CORO2B: variants seen among roughly 807,000 people sequenced by gnomAD.
CORO2B encodes the protein coronin 2B.
CORO2B carries 26 observed loss-of-function variants against 58.8 expected under a neutral mutation model. The ratio of observed to expected loss-of-function variants is 0.44; its 90% CI spans 0.32 to 0.61. CORO2B has a LOEUF of 0.61. CORO2B is among the 20% of genes least tolerant of loss of function. The pLI is 0.04. For missense variants in CORO2B, 460 were observed against 645.1 expected (o/e 0.71, Z 3.11); for synonymous variants, 242 against 253.8 (o/e 0.95, Z 0.44).
chr15:68,628,460 A>G (rs189284012), intron 1 of CORO2B, among the ~76,000 whole-genome samples: 5 of 152,236 alleles, frequency 3.3e-5, no homozygotes, highest in Admixed American at 3.3e-4. Context: ...ATAGTACCTG[A>G]CACGTAGCAA....
rs577001745 is a variant in CORO2B at position 68,627,033 on chromosome 15, G to T, written c.16-18127G>T. Among the ~76,000 whole-genome samples, 3 of 152,298 alleles carry T rather than the reference G, an allele frequency of 2.0e-5. No individual in the cohort carries two copies. In the East Asian group the frequency reaches 5.8e-4, roughly 29 times the overall value. On this transcript the variant is annotated intron_variant, in intron 1 of 11. Transcript: ENST00000261861. ...CCCAGTCCCACCACTGCCAAGTGGGGATCCTTAGCAAGGTACTTACCTTTT... is the reference window on the plus strand; with the variant it reads ...CCCAGTCCCACCACTGCCAAGTGGGTATCCTTAGCAAGGTACTTACCTTTT...
At chr15:68,626,281 C>G (rs1258242038) in intron 1 of CORO2B, among the ~76,000 whole-genome samples, 1 of 152,144 alleles carries the variant, frequency 6.6e-6, no homozygotes, top group Non-Finnish European at 1.5e-5. Context: ...GAAGGGGCTA[C>G]AGTGGGAATG....
chr15:68,625,779 ATTT>A (rs1426130274), intron 1 of CORO2B, among the ~76,000 whole-genome samples: 1 of 151,790 alleles, frequency 6.6e-6, no homozygotes, highest in Non-Finnish European at 1.5e-5. Flanking sequence ...TAACTTTTGT[ATTT>A]TTTGTAGAGA....
At position 68,604,538 on chromosome 15, in the gene CORO2B, G is replaced by A. The variant is rs200485637; in HGVS notation, c.15+25261G>A. Among the ~76,000 whole-genome samples, 8 of 151,622 alleles carry A rather than the reference G, an allele frequency of 5.3e-5. No homozygotes were observed. The East Asian group carries it at 1.6e-3, about 29-fold the overall frequency. On this transcript the variant is annotated intron_variant, in intron 1 of 11. Transcript: ENST00000261861. Reference sequence around the variant, plus strand: ...TTTAAAAGGCGACTTTATCTCAGCAGCATGGCTAGAATATGTGTGTGTCCT... The same window carrying A: ...TTTAAAAGGCGACTTTATCTCAGCAACATGGCTAGAATATGTGTGTGTCCT...
intron 1 of CORO2B, among the ~76,000 whole-genome samples, chr15:68,588,818 A>C (rs887715521): frequency 6.7e-6 from 1 of 149,162 alleles, no homozygotes; most frequent in African/African-American, 2.5e-5. Flanking sequence ...AAGGGGACAA[A>C]GGGATTTAAT....
chr15:68,698,927 A>G (rs1892577070), intron 3 of CORO2B, among the ~76,000 whole-genome samples: 1 of 152,132 alleles, frequency 6.6e-6, no homozygotes, highest in South Asian at 2.1e-4. Context: ...ACCAAGGTCA[A>G]GCAAAGGGCT....
upstream of CORO2B, among the ~76,000 whole-genome samples, chr15:68,577,950 G>A (rs942053753): frequency 3.9e-5 from 6 of 152,124 alleles, no homozygotes; most frequent in Admixed American, 2.0e-4. Context: ...CAGGAAGCCA[G>A]CACTTCCGGG....
chr15:68,562,980 G>A, the CORO2B span, among the ~76,000 whole-genome samples: 183 of 135,900 alleles, frequency 1.3e-3, no homozygotes, highest in East Asian at 1.7e-3. Flanking sequence ...CCATCTCAAA[G>A]AAAAAAAAAA....
the CORO2B span, among the ~76,000 whole-genome samples, chr15:68,573,573 A>T: frequency 6.6e-6 from 1 of 152,028 alleles, no homozygotes; most frequent in Non-Finnish European, 1.5e-5. Context: ...GGAAAGGTGA[A>T]TGCAGCAGAG....
the CORO2B span, among the ~76,000 whole-genome samples, chr15:68,547,320 C>T: frequency 2.6e-5 from 4 of 152,106 alleles, no homozygotes; most frequent in Non-Finnish European, 4.4e-5. Flanking sequence ...ATTACCTGTA[C>T]CCATAATCAT....
At chr15:68,685,913 AAG>A (rs1428249291) in intron 2 of CORO2B, among the ~76,000 whole-genome samples, 1 of 152,098 alleles carries the variant, frequency 6.6e-6, no homozygotes, top group Non-Finnish European at 1.5e-5. Context: ...GGGTGAGAAA[AAG>A]AGTAGGAAGG....
At chr15:68,557,564 A>G in the CORO2B span, among the ~76,000 whole-genome samples, 1 of 152,228 alleles carries the variant, frequency 6.6e-6, no homozygotes, top group Non-Finnish European at 1.5e-5. Context: ...TGGAAACCTA[A>G]GTATGCCTTG....
intron 2 of CORO2B, among the ~76,000 whole-genome samples, chr15:68,674,430 C>T (rs990254394): frequency 6.6e-6 from 1 of 152,228 alleles, no homozygotes; most frequent in African/African-American, 2.4e-5. Flanking sequence ...ATTGTGTGCC[C>T]TGGGTCTTCA....
At chr15:68,588,138 C>T (rs1325895410) in intron 1 of CORO2B, among the ~76,000 whole-genome samples, 3 of 152,160 alleles carry the variant, frequency 2.0e-5, no homozygotes, top group Admixed American at 1.3e-4. Flanking sequence ...CTAATCTGTG[C>T]CCACTCCTTT....
chr15:68,554,443 A>G, the CORO2B span, among the ~76,000 whole-genome samples: 15 of 152,112 alleles, frequency 9.9e-5, no homozygotes, highest in African/African-American at 3.4e-4. Flanking sequence ...GCCAGAGTCT[A>G]AGCTGACCTT....
intron 1 of CORO2B, among the ~76,000 whole-genome samples, chr15:68,594,048 C>G (rs935779478): frequency 6.6e-6 from 1 of 152,172 alleles, no homozygotes; most frequent in Non-Finnish European, 1.5e-5. Context: ...AGAATCCCGT[C>G]AGCAATGGGG....
chr15:68,695,314 G>T, intron 3 of CORO2B, 58 bp downstream of exon 3: 1 of 1,271,934 alleles, frequency 7.9e-7, no homozygotes, highest in Non-Finnish European at 1.1e-6. Flanking sequence ...TGCTTCCTTT[G>T]GAGGCCTCTC....
chr15:68,625,802 A>C (rs181293724), intron 1 of CORO2B, among the ~76,000 whole-genome samples: 14 of 151,860 alleles, frequency 9.2e-5, no homozygotes, highest in Non-Finnish European at 1.6e-4. Context: ...ACGGGGTTTC[A>C]CCATGTTGCC....
chr15:68,553,025 G>A, the CORO2B span, among the ~76,000 whole-genome samples: 8 of 152,206 alleles, frequency 5.3e-5, no homozygotes, highest in African/African-American at 1.9e-4. Context: ...ACCACGCCAG[G>A]CCCCGGAAAC....
Sources: allele counts gnomAD v4.1 joint callset (sites outside exome capture counted in the v4.1 genomes callset), GRCh38; gene constraint gnomAD v4.1.1; transcripts MANE v1.5; gene names NCBI Gene and HGNC (gene_info 2026-07-23, HGNC 2026-07-21).